LRP1B: variants seen among roughly 807,000 people sequenced by gnomAD.
The protein encoded by LRP1B is low-density lipoprotein receptor-related protein 1B.
LRP1B carries 217 observed loss-of-function variants against 556.6 expected under a neutral mutation model. The ratio of observed to expected loss-of-function variants is 0.39; its 90% CI spans 0.35 to 0.44. The LOEUF (loss-of-function observed/expected upper bound fraction) is 0.44. LRP1B is among the 20% of genes least tolerant of loss of function. The pLI is 1.00. For missense variants in LRP1B, 5,053 were observed against 5,620.8 expected, an observed-to-expected ratio of 0.90 and a Z score of 3.23; for synonymous variants, 2,047 against 1,865.8, an observed-to-expected ratio of 1.10 and a Z score of -2.50.
At chr2:141,782,419 A>G (rs962795684) in intron 2 of LRP1B, among the ~76,000 whole-genome samples, 1 of 151,324 alleles carries the variant, frequency 6.6e-6, no homozygotes, top group African/African-American at 2.4e-5. Flanking sequence ...TACTCATTTA[A>G]CCTCCATTAT....
At chr2:141,320,446 G>A (rs542520357) in intron 3 of LRP1B, among the ~76,000 whole-genome samples, 20 of 152,084 alleles carry the variant, frequency 1.3e-4, no homozygotes, top group African/African-American at 4.3e-4. Context: ...GAGTACGGGC[G>A]GTGAGGGGAG....
intron 43 of LRP1B, among the ~76,000 whole-genome samples, chr2:140,572,096 T>C (rs1464217355): frequency 1.3e-5 from 2 of 151,656 alleles, no homozygotes; most frequent in East Asian, 3.9e-4. Flanking sequence ...AAATATTTTA[T>C]GAAAAAGACC....
intron 23 of LRP1B, among the ~76,000 whole-genome samples, chr2:140,897,380 C>T (rs563910175): frequency 1.2e-4 from 19 of 152,094 alleles, no homozygotes; most frequent in Admixed American, 2.0e-4. Flanking sequence ...TTTCCCAGAG[C>T]GAGTCATAGA....
chr2:140,526,068 G>T (rs2104968779), intron 48 of LRP1B, 75 bp from the exon 49 acceptor site: 1 of 1,479,748 alleles, frequency 6.8e-7, no homozygotes, highest in East Asian at 2.3e-5. Context: ...AGGTCATAGA[G>T]ATGAGAAAAG....
chr2:140,965,144 A>C (rs565166089), intron 18 of LRP1B, among the ~76,000 whole-genome samples: 1 of 152,300 alleles, frequency 6.6e-6, no homozygotes, highest in South Asian at 2.1e-4. Flanking sequence ...TATAGGGCAT[A>C]TTAAAGTTCC....
At chr2:140,451,404 T>C (rs543461910) in intron 62 of LRP1B, among the ~76,000 whole-genome samples, 240 of 152,328 alleles carry the variant, frequency 1.6e-3, no homozygotes, top group African/African-American at 5.5e-3. Context: ...GGAAGAGATA[T>C]CCAGTTGAAC....
intron 83 of LRP1B, among the ~76,000 whole-genome samples, chr2:140,301,819 AAATC>A (rs2105008762): frequency 6.6e-6 from 1 of 151,906 alleles, no homozygotes; most frequent in Non-Finnish European, 1.5e-5. Context: ...AGTACAGAAA[AAATC>A]AAAGTGCATT....
At chr2:141,061,995 T>C (rs1169450449) in intron 8 of LRP1B, 56 bp downstream of exon 8, 1 of 1,423,400 alleles carries the variant, frequency 7.0e-7, no homozygotes, top group East Asian at 2.3e-5. Flanking sequence ...CAAATTTTGG[T>C]ATTATTCCTT....
At chr2:141,288,285 TAA>T (rs34928729) in intron 3 of LRP1B, among the ~76,000 whole-genome samples, 266 of 146,496 alleles carry the variant, frequency 1.8e-3, no homozygotes, top group African/African-American at 6.2e-3. Context: ...TTATGGAAAC[TAA>T]AAAAAAAAAA....
At chr2:140,971,050 A>T (rs7609294) in intron 18 of LRP1B, among the ~76,000 whole-genome samples, 128,777 of 152,146 alleles carry the variant, frequency 0.85, 55,053 homozygotes, top group Non-Finnish European at 0.9. Context: ...AGCCTCTAAA[A>T]TGATTGGTCG....
At chr2:140,449,801 C>T (rs895145308) in intron 63 of LRP1B, among the ~76,000 whole-genome samples, 3 of 152,112 alleles carry the variant, frequency 2.0e-5, no homozygotes, top group Non-Finnish European at 4.4e-5. Context: ...ATTTTGAACT[C>T]AATTGTCAAG....
chr2:141,123,983 T>C (rs1429850761), intron 7 of LRP1B, among the ~76,000 whole-genome samples: 2 of 152,034 alleles, frequency 1.3e-5, no homozygotes, highest in Non-Finnish European at 2.9e-5. Context: ...GAAGAAGAAA[T>C]GAATATGTCT....
chr2:141,345,646 T>A (rs1017838686), intron 3 of LRP1B, among the ~76,000 whole-genome samples: 2 of 146,418 alleles, frequency 1.4e-5, no homozygotes, highest in Non-Finnish European at 3.0e-5. Context: ...TGTGCCACCA[T>A]ACCTGGCTAA....
intron 15 of LRP1B, among the ~76,000 whole-genome samples, chr2:140,997,854 G>T (rs1033119767): frequency 6.6e-6 from 1 of 151,830 alleles, no homozygotes; most frequent in South Asian, 2.1e-4. Flanking sequence ...AAAATGCTGC[G>T]ATAGGTTTTG....
intron 37 of LRP1B, among the ~76,000 whole-genome samples, chr2:140,711,206 A>G (rs148815053): frequency 1.2e-4 from 18 of 152,176 alleles, no homozygotes; most frequent in African/African-American, 4.1e-4. Context: ...TGTCACAATT[A>G]CACACCATTT....
At chr2:141,243,656 C>A (rs1310457169) in intron 5 of LRP1B, among the ~76,000 whole-genome samples, 2 of 152,024 alleles carry the variant, frequency 1.3e-5, no homozygotes, top group African/African-American at 2.4e-5. Context: ...TCAGACTTTT[C>A]TTTTGGAAAT....
chr2:140,811,792 G>T (rs1016872895), intron 32 of LRP1B, among the ~76,000 whole-genome samples: 4 of 151,950 alleles, frequency 2.6e-5, no homozygotes, highest in African/African-American at 9.7e-5. Context: ...TGAAACAATT[G>T]TCAATAAATT....
chr2:140,451,787 T>G (rs762354249), intron 62 of LRP1B, among the ~76,000 whole-genome samples: 7 of 152,020 alleles, frequency 4.6e-5, no homozygotes, highest in Non-Finnish European at 7.4e-5. Flanking sequence ...TTTGGCTGAC[T>G]TATAAAAAAT....
chr2:140,710,222 A>T (rs1279586759), intron 37 of LRP1B, among the ~76,000 whole-genome samples: 1 of 151,710 alleles, frequency 6.6e-6, no homozygotes, highest in African/African-American at 2.4e-5. Context: ...ATGGAGAGAA[A>T]TAAAAAAAAT....
Sources: allele counts gnomAD v4.1 joint callset (sites outside exome capture counted in the v4.1 genomes callset), GRCh38; gene constraint gnomAD v4.1.1; transcripts MANE v1.5; gene names NCBI Gene and HGNC (gene_info 2026-07-23, HGNC 2026-07-21).